The following PSAT1 variants were observed in gnomAD, a reference collection of about 807,000 sequenced individuals.
PSAT1 encodes the protein phosphoserine aminotransferase 1.
PSAT1 carries 41 observed loss-of-function variants against 40.3 expected under a neutral mutation model. That is an observed-to-expected ratio of 1.02 (90% CI 0.79 to 1.32). The LOEUF (loss-of-function observed/expected upper bound fraction) is 1.32. Ranked by LOEUF, PSAT1 falls within the 40% of genes most tolerant of loss-of-function variation. PSAT1 has a pLI of 0.00. For synonymous variants in PSAT1, 147 were observed against 170.5 expected (o/e 0.86, Z 1.07); for missense variants, 406 against 455.8 (o/e 0.89, Z 0.99).
Position 78,300,435 on chromosome 9 carries a change from G to T in PSAT1, c.61-167G>T, listed in dbSNP as rs79054114. Reference sequence around the variant, plus strand: ...TACCTTGTGTGTAAGTTGCATAATCGCTGGCTTTGTGGACATGGGAAGGAA... The same window carrying T: ...TACCTTGTGTGTAAGTTGCATAATCTCTGGCTTTGTGGACATGGGAAGGAA... On this transcript the variant is annotated intron_variant, in intron 1 of 8. Transcript: ENST00000376588. 4.4e-3 allele frequency among the ~76,000 whole-genome samples: 663 copies of T among 152,178 alleles called. 8 individuals carry two copies. The highest frequency in any genetic ancestry group is 0.015 in the African/African-American group (627 of 41,512).
chr9:78,313,319 C>T (rs897704622), intron 6 of PSAT1, among the ~76,000 whole-genome samples: 2 of 152,102 alleles, frequency 1.3e-5, no homozygotes, highest in Non-Finnish European at 2.9e-5. Flanking sequence ...GAGCTGAGAT[C>T]GTGCCACTGC....
At position 78,306,586 on chromosome 9, in the gene PSAT1, C is replaced by G. The variant is rs550200420; in HGVS notation, c.570+100C>G. The G allele has an allele frequency of 9.1e-6, 13 of 1,436,228 alleles. No individual in the cohort carries two copies. The African/African-American group carries it at 1.3e-4, about 14-fold the overall frequency. The allele number at this position is 1,436,228 out of a possible 1,614,324, so 89.0% of individuals were successfully genotyped here. The stretch of plus-strand genomic sequence containing the variant: ...CGGGAAGAACCATGGGTGTTTGAGG[C>G]CTGCAGAACCCCTGAGCCAGTGCAG... On this transcript the variant is annotated intron_variant, in intron 5 of 8. Transcript: ENST00000376588.
At chr9:78,311,455 C>A (rs900034763) in intron 6 of PSAT1, among the ~76,000 whole-genome samples, 2 of 151,698 alleles carry the variant, frequency 1.3e-5, no homozygotes, top group Admixed American at 1.3e-4. Flanking sequence ...CAGCAAGTTG[C>A]GATCAGGGTA....
At chr9:78,316,216 G>A (rs1828342432) in intron 6 of PSAT1, among the ~76,000 whole-genome samples, 1 of 152,168 alleles carries the variant, frequency 6.6e-6, no homozygotes, top group Non-Finnish European at 1.5e-5. Flanking sequence ...CACGTGCCAG[G>A]CCCTGTGCTA....
intron 4 of PSAT1, among the ~76,000 whole-genome samples, chr9:78,305,472 T>C (rs2118640141): frequency 6.6e-6 from 1 of 152,298 alleles, no homozygotes; most frequent in South Asian, 2.1e-4. Flanking sequence ...TTCAGCTAAT[T>C]AGCTGAAAAA....
chr9:78,301,488 G>C (rs1828107367), intron 2 of PSAT1, among the ~76,000 whole-genome samples: 1 of 152,174 alleles, frequency 6.6e-6, no homozygotes. Context: ...TCTGAAGACT[G>C]CATGGTATTA....
intron 7 of PSAT1, among the ~76,000 whole-genome samples, chr9:78,321,017 C>G (rs1828421871): frequency 6.6e-6 from 1 of 152,098 alleles, no homozygotes. Flanking sequence ...GAATCCCCCC[C>G]CGCCACGCCT....
Position 78,328,970 on chromosome 9 carries a change from G to T in PSAT1, c.1008-11G>T, listed in dbSNP as rs200199574. ...TTTTGTTCTCAATGCCTGGATCTTT[G>T]GTCATTCTAGGTCTGTGGGAGGCAT... On this transcript the variant is annotated splice_polypyrimidine_tract_variant and intron_variant, in intron 8 of 8. Coordinates refer to ENST00000376588, the MANE Select transcript of PSAT1 (RefSeq NM_058179.4). The T allele has an allele frequency of 8.7e-5, 139 of 1,603,860 alleles. 1 individual carries two copies. In the East Asian group the frequency reaches 2.0e-3, roughly 23 times the overall value.
chr9:78,320,431 C>T (rs555158014), intron 7 of PSAT1, among the ~76,000 whole-genome samples: 1 of 150,712 alleles, frequency 6.6e-6, no homozygotes, highest in South Asian at 2.1e-4. Flanking sequence ...TACACACCCA[C>T]CCATCCATCT....
chr9:78,307,091 A>C (rs1463715699), intron 5 of PSAT1, among the ~76,000 whole-genome samples: 1 of 152,246 alleles, frequency 6.6e-6, no homozygotes, highest in East Asian at 1.9e-4. Context: ...TATACTGGTC[A>C]GTGGCATTGA....
chr9:78,306,415 G>C lies in PSAT1; in HGVS notation c.499G>C (p.Asp167His). The C allele has an allele frequency of 6.2e-7, 1 of 1,614,114 alleles. No homozygotes were observed. The highest frequency in any genetic ancestry group is 1.1e-5 in the South Asian group (1 of 91,074). ...TGGTGTGGAGTTTGACTTTATACCCGATGTCAAGGGAGCAGTACTGGTTTG... is the reference window on the plus strand; with the variant it reads ...TGGTGTGGAGTTTGACTTTATACCCCATGTCAAGGGAGCAGTACTGGTTTG... The part of the protein sequence containing the change: ...VHGVEFDFIP[D>H]VKGAVLVCDM... Residue 167 changes from aspartate to histidine, a missense_variant, in exon 5 of 9, where the codon GAT becomes CAT. Transcript: ENST00000376588.
intron 6 of PSAT1, among the ~76,000 whole-genome samples, chr9:78,315,156 G>T (rs1010058084): frequency 2.6e-5 from 4 of 152,228 alleles, no homozygotes; most frequent in African/African-American, 9.6e-5. Context: ...GGTGTGTGGT[G>T]ATAGCTCTGC....
intron 6 of PSAT1, among the ~76,000 whole-genome samples, chr9:78,311,101 G>A (rs894408416): frequency 3.9e-5 from 6 of 152,158 alleles, no homozygotes; most frequent in South Asian, 2.1e-4. Flanking sequence ...GTAGGGATGG[G>A]AGTGGGGCTG....
At chr9:78,300,976 C>T (rs965941541) in intron 2 of PSAT1, among the ~76,000 whole-genome samples, 3 of 152,116 alleles carry the variant, frequency 2.0e-5, no homozygotes, top group African/African-American at 7.2e-5. Flanking sequence ...GGCCTGAAGC[C>T]ATCCTCCCAC....
At position 78,304,840 on chromosome 9, in the gene PSAT1, T is replaced by C; in HGVS notation, c.297T>C (p.Ala99=). Residue 99 remains alanine, a synonymous_variant, in exon 4 of 9, where the codon GCT becomes GCC. Coordinates refer to ENST00000376588, the MANE Select transcript of PSAT1 (RefSeq NM_058179.4). ...NLIGLKAGRC[A]DYVVTGAWSA... Reference sequence around the variant, plus strand: ...TTGGCTTGAAAGCAGGAAGGTGTGCTGACTATGTGGTGACAGGAGCTTGGT... The same window carrying C: ...TTGGCTTGAAAGCAGGAAGGTGTGCCGACTATGTGGTGACAGGAGCTTGGT... 6.2e-7 allele frequency: 1 copy of C among 1,613,890 alleles called. No homozygotes were observed. Among genetic ancestry groups the C allele is most frequent in the Non-Finnish European group, 8.5e-7 (1 of 1,179,974 alleles).
intron 6 of PSAT1, among the ~76,000 whole-genome samples, chr9:78,313,739 G>A (rs1828300527): frequency 6.6e-6 from 1 of 152,220 alleles, no homozygotes; most frequent in Middle Eastern, 3.4e-3. Context: ...CAAACTCGTA[G>A]GCTCAAGTGA....
chr9:78,305,080 T>C, intron 4 of PSAT1, 140 bp downstream of exon 4: 1 of 778,230 alleles, frequency 1.3e-6, no homozygotes, highest in Non-Finnish European at 2.2e-6. Context: ...CTGTACTAGC[T>C]AAGACTAGAG....
intron 1 of PSAT1, among the ~76,000 whole-genome samples, 181 bp from the exon 2 acceptor site, chr9:78,300,421 T>C (rs1012790683): frequency 1.3e-5 from 2 of 152,184 alleles, no homozygotes; most frequent in Non-Finnish European, 2.9e-5. Flanking sequence ...ACCTTGTGTG[T>C]AAGTTGCATA....
intron 1 of PSAT1, among the ~76,000 whole-genome samples, chr9:78,299,328 A>G (rs966909709): frequency 6.6e-6 from 1 of 151,874 alleles, no homozygotes; most frequent in Non-Finnish European, 1.5e-5. Flanking sequence ...AATGCTGTCT[A>G]TAAGAAAGAT....
Sources: allele counts gnomAD v4.1 joint callset (sites outside exome capture counted in the v4.1 genomes callset), GRCh38; gene constraint gnomAD v4.1.1; transcripts MANE v1.5; gene names NCBI Gene and HGNC (gene_info 2026-07-23, HGNC 2026-07-21).